The following FER variants were observed in gnomAD, a reference collection of about 807,000 sequenced individuals.
The protein encoded by FER is tyrosine-protein kinase Fer.
A neutral mutation model predicts 111.0 loss-of-function variants in FER; 63 were observed. That is an observed-to-expected ratio of 0.57 (90% CI 0.46 to 0.70). The LOEUF is 0.70. FER is among the 30% of genes least tolerant of loss of function. FER has a pLI of 0.00. For synonymous variants in FER, 327 were observed against 313.9 expected, an observed-to-expected ratio of 1.04 and a Z score of -0.44; for missense variants, 914 against 954.0, an observed-to-expected ratio of 0.96 and a Z score of 0.55.
rs74912805 is a variant in FER, at chr5:108,956,361, C to G, written c.1533+1429C>G. Among the ~76,000 whole-genome samples the G allele has an allele frequency of 1.0e-2, 1,515 of 151,614 alleles. 21 individuals are homozygous for G. Among genetic ancestry groups the G allele is most frequent in the African/African-American group, 0.035 (1,445 of 41,458 alleles). On this transcript the variant is annotated intron_variant, in intron 12 of 19. Coordinates refer to ENST00000281092, the MANE Select transcript of FER (RefSeq NM_005246.4). ...TTGTATGAATGTTTCATTTTATTTT[C>G]TAAGCTCTAAAAGTAACTATTTTTG...
intron 13 of FER, among the ~76,000 whole-genome samples, chr5:108,988,604 T>G (rs1317520531): frequency 6.6e-6 from 1 of 152,170 alleles, no homozygotes; most frequent in African/African-American, 2.4e-5. Context: ...AATGATCTTT[T>G]GTATTTCCGT....
chr5:109,043,396 T>G (rs1007500763), intron 14 of FER, among the ~76,000 whole-genome samples: 5 of 152,202 alleles, frequency 3.3e-5, no homozygotes, highest in Non-Finnish European at 5.9e-5. Context: ...GTTTACTGTT[T>G]AAGTATATTT....
intron 13 of FER, among the ~76,000 whole-genome samples, chr5:109,036,866 C>A (rs72790570): frequency 0.18 from 28,024 of 151,614 alleles, 2,711 homozygotes; most frequent in Non-Finnish European, 0.22. Context: ...CCTTATGCAC[C>A]CTAGTGATAT....
At chr5:109,187,240 T>A (rs1351224891) in intron 19 of FER, among the ~76,000 whole-genome samples, 193 bp from the exon 20 acceptor site, 1 of 152,190 alleles carries the variant, frequency 6.6e-6, no homozygotes, top group Non-Finnish European at 1.5e-5. Context: ...GAATTAGAAC[T>A]CTAAGACTCT....
chr5:108,754,958 T>TAGTA (rs1251248488), intron 1 of FER, among the ~76,000 whole-genome samples: 1 of 152,212 alleles, frequency 6.6e-6, no homozygotes, highest in Non-Finnish European at 1.5e-5. Context: ...AGTGAAGACT[T>TAGTA]AGTAGACCTT....
intron 11 of FER, among the ~76,000 whole-genome samples, chr5:108,949,932 G>GT (rs1241360986): frequency 1.3e-5 from 2 of 151,876 alleles, no homozygotes; most frequent in Admixed American, 1.3e-4. Flanking sequence ...AGGCACAATC[G>GT]TAAAAGTAAC....
At chr5:109,132,021 A>G (rs1752410480) in intron 17 of FER, among the ~76,000 whole-genome samples, 1 of 152,202 alleles carries the variant, frequency 6.6e-6, no homozygotes, top group African/African-American at 2.4e-5. Flanking sequence ...TATGAGATAA[A>G]TGTACCTAAA....
chr5:109,181,138 GAGAA>G (rs1758247236), intron 18 of FER, among the ~76,000 whole-genome samples: 1 of 152,060 alleles, frequency 6.6e-6, no homozygotes, highest in Non-Finnish European at 1.5e-5. Context: ...CTATACATCT[GAGAA>G]AGAGTTTTTA....
rs1055075312 is a variant in FER at position 108,931,326 on chromosome 5, T to C, written c.1237-14804T>C. On this transcript the variant is annotated intron_variant, in intron 10 of 19. Transcript: ENST00000281092. ...TTACTCTGTTTTTTCCATGTATTTT[T>C]TTTTCCGTGTATTTTACAATAAAAA... Among the ~76,000 whole-genome samples, 3 of 152,294 alleles carry C rather than the reference T, an allele frequency of 2.0e-5. No homozygotes were observed. The East Asian group carries it at 5.8e-4, about 29-fold the overall frequency.
intron 13 of FER, among the ~76,000 whole-genome samples, chr5:108,976,110 AT>A: frequency 6.6e-6 from 1 of 152,316 alleles, no homozygotes; most frequent in Non-Finnish European, 1.5e-5. Context: ...AATATTTAGC[AT>A]GCGACAAGGG....
At chr5:109,027,117 A>G (rs1366244323) in intron 13 of FER, among the ~76,000 whole-genome samples, 21 of 152,038 alleles carry the variant, frequency 1.4e-4, no homozygotes, top group Non-Finnish European at 1.5e-5. Flanking sequence ...ATTCTGATTT[A>G]AATTTTGCCT....
rs555063644 is a variant in FER at position 109,034,606 on chromosome 5, A to G, written c.1657-2816A>G. On this transcript the variant is annotated intron_variant, in intron 13 of 19. Transcript: ENST00000281092. ...TTCTTAACCTAGCTTTAGTCTGTCA[A>G]TACTTCACTATTTTACTAGCTCTCC... is the stretch of plus-strand genomic sequence containing the variant. 2.0e-5 allele frequency among the ~76,000 whole-genome samples: 3 copies of G among 152,148 alleles called. No individual in the cohort carries two copies. The East Asian group carries it at 5.8e-4, about 29-fold the overall frequency.
chr5:109,012,599 G>A (rs982352790), intron 13 of FER, among the ~76,000 whole-genome samples: 17 of 152,206 alleles, frequency 1.1e-4, no homozygotes, highest in African/African-American at 4.1e-4. Flanking sequence ...TTTGAGACCT[G>A]TGTGGTATCA....
At chr5:109,002,909 A>T (rs1413839795) in intron 13 of FER, among the ~76,000 whole-genome samples, 1 of 152,240 alleles carries the variant, frequency 6.6e-6, no homozygotes, top group Non-Finnish European at 1.5e-5. Context: ...TCAAAACCAC[A>T]ATGAGATACC....
chr5:108,897,811 T>G lies in FER; in HGVS notation c.1199T>G (p.Val400Gly), dbSNP rs970172787. ...GATGGGAAAGAGCCACCTCCAGTAG[T>G]AAATTATGAAGAAGATGCACGATCA... The part of the protein sequence containing the change: ...ENDGKEPPPV[V>G]NYEEDARSVT... The change falls in exon 10 of 20, where the codon GTA becomes GGA. Residue 400 changes from valine (V) to glycine (G), a missense_variant. Transcript: ENST00000281092. The G allele has an allele frequency of 6.2e-7, 1 of 1,612,280 alleles. No individual in the cohort carries two copies. Among genetic ancestry groups the G allele is most frequent in the Admixed American group, 1.7e-5 (1 of 59,708 alleles).
intron 5 of FER, among the ~76,000 whole-genome samples, chr5:108,864,293 G>A (rs906735329): frequency 6.6e-6 from 1 of 152,132 alleles, no homozygotes; most frequent in Non-Finnish European, 1.5e-5. Context: ...CTGTTTATAC[G>A]ATGTGGATGT....
chr5:109,091,311 A>G (rs945262485), intron 16 of FER, among the ~76,000 whole-genome samples: 2 of 152,096 alleles, frequency 1.3e-5, no homozygotes, highest in Non-Finnish European at 2.9e-5. Flanking sequence ...ATCCTGGTGT[A>G]GTGTTCCTTG....
intron 16 of FER, among the ~76,000 whole-genome samples, chr5:109,095,736 G>A (rs1016211911): frequency 1.3e-5 from 2 of 151,950 alleles, no homozygotes; most frequent in African/African-American, 4.8e-5. Context: ...TGGTTAAAAA[G>A]CAAAACATTT....
At chr5:108,819,672 C>A in intron 3 of FER, 1 of 443,088 alleles carries the variant, frequency 2.3e-6, no homozygotes, top group Non-Finnish European at 3.0e-6. Context: ...GCAAAGTTAG[C>A]TTTAATAGGA....
Sources: allele counts gnomAD v4.1 joint callset (sites outside exome capture counted in the v4.1 genomes callset), GRCh38; gene constraint gnomAD v4.1.1; transcripts MANE v1.5; gene names NCBI Gene and HGNC (gene_info 2026-07-23, HGNC 2026-07-21).